The following SH3RF3 variants were observed in gnomAD, a reference collection of about 807,000 sequenced individuals.
SH3RF3 encodes the protein SH3 domain containing ring finger 3.
In SH3RF3, 29 loss-of-function variants were observed where a neutral mutation model predicts 66.3. The observed-to-expected ratio is 0.44, with a 90% CI of 0.33 to 0.60. The LOEUF (loss-of-function observed/expected upper bound fraction) is 0.60, where lower values mean the gene tolerates loss of function less well. SH3RF3 is among the 20% of genes least tolerant of loss of function. The pLI is 0.04. For synonymous variants in SH3RF3, 583 were observed against 532.0 expected, an observed-to-expected ratio of 1.10 and a Z score of -1.32; for missense variants, 1,194 against 1,190.9, an observed-to-expected ratio of 1.00 and a Z score of -0.04.
intron 8 of SH3RF3, among the ~76,000 whole-genome samples, chr2:109,479,531 C>G (rs547596493): frequency 6.6e-6 from 1 of 151,936 alleles, no homozygotes. Flanking sequence ...CCTGGGGTGT[C>G]GGGATGTCCA....
At chr2:109,268,607 A>G (rs915939978) in intron 1 of SH3RF3, among the ~76,000 whole-genome samples, 8 of 152,172 alleles carry the variant, frequency 5.3e-5, no homozygotes, top group African/African-American at 1.7e-4. Flanking sequence ...CCACTGAACA[A>G]TTTTTAACTT....
intron 3 of SH3RF3, among the ~76,000 whole-genome samples, chr2:109,397,549 A>G (rs1046494395): frequency 2.0e-5 from 3 of 152,196 alleles, no homozygotes; most frequent in African/African-American, 7.2e-5. Context: ...AAGGGGCTCC[A>G]TTGGGCACCC....
intron 3 of SH3RF3, among the ~76,000 whole-genome samples, chr2:109,376,540 C>A (rs1243021355): frequency 6.6e-6 from 1 of 152,214 alleles, no homozygotes; most frequent in South Asian, 2.1e-4. Context: ...AAAAATAGTT[C>A]AAAAAAATGA....
intron 3 of SH3RF3, among the ~76,000 whole-genome samples, chr2:109,389,931 G>A (rs576743059): frequency 6.1e-4 from 93 of 152,138 alleles, no homozygotes; most frequent in Non-Finnish European, 1.2e-3. Flanking sequence ...TCCTGAATCT[G>A]TGCCAGCCAC....
At chr2:109,209,175 A>G (rs771131565) in intron 1 of SH3RF3, among the ~76,000 whole-genome samples, 1 of 152,194 alleles carries the variant, frequency 6.6e-6, no homozygotes, top group South Asian at 2.1e-4. Context: ...CCTGGGCATC[A>G]TAGTTGTGTA....
intron 7 of SH3RF3, among the ~76,000 whole-genome samples, chr2:109,446,570 GGTGGTATCTGA>G (rs1249653471): frequency 2.4e-4 from 37 of 152,166 alleles, no homozygotes; most frequent in African/African-American, 8.4e-4. Flanking sequence ...GTCTCTAGAA[GGTGGTATCTGA>G]GCCTTCCAGG....
chr2:109,287,454 T>C (rs1405049885), intron 1 of SH3RF3, among the ~76,000 whole-genome samples: 1 of 152,198 alleles, frequency 6.6e-6, no homozygotes, highest in Admixed American at 6.5e-5. Context: ...ATCTCTAGGC[T>C]ACCTGAGATA....
chr2:109,305,718 A>G (rs1016303983), intron 1 of SH3RF3, among the ~76,000 whole-genome samples: 2 of 152,220 alleles, frequency 1.3e-5, no homozygotes, highest in African/African-American at 2.4e-5. Flanking sequence ...GTGTGTGGCT[A>G]CAATGCGGGA....
Position 109,501,834 on chromosome 2 carries a change from C to A in SH3RF3, c.*163C>A, listed in dbSNP as rs753381517. The A allele has an allele frequency of 5.1e-6, 3 of 588,620 alleles. No homozygotes were observed. The African/African-American group carries it at 5.6e-5, about 11-fold the overall frequency. 36.5% of individuals were successfully genotyped at this position (588,620 alleles called of 1,614,324 possible). A position where few individuals can be genotyped will look rare whatever the true frequency, so the allele number is the denominator to read the frequency against. On this transcript the variant is annotated 3_prime_UTR_variant, in exon 10 of 10. Transcript: ENST00000309415. The stretch of plus-strand genomic sequence containing the variant: ...GGTGGGGGCCAGGGACTGTGGAGGT[C>A]GTGCCTTCTCCCAAAACCCCCAAAC...
chr2:109,371,453 G>A, intron 2 of SH3RF3, 133 bp from the exon 3 acceptor site: 1 of 641,840 alleles, frequency 1.6e-6, no homozygotes, highest in South Asian at 2.1e-5. Context: ...ATACCTGAAT[G>A]GATAATGCAC....
chr2:109,317,988 G>T (rs1035604587), intron 1 of SH3RF3, among the ~76,000 whole-genome samples: 6 of 151,896 alleles, frequency 4.0e-5, no homozygotes, highest in Non-Finnish European at 7.4e-5. Flanking sequence ...GCCAAGGATG[G>T]CCTGCATCTG....
At chr2:109,343,723 C>T (rs947230575) in intron 1 of SH3RF3, among the ~76,000 whole-genome samples, 7 of 151,232 alleles carry the variant, frequency 4.6e-5, no homozygotes, top group African/African-American at 1.7e-4. Context: ...CCTGCTTCTG[C>T]CCTGCTCCTG....
chr2:109,160,109 C>T (rs1429959848), intron 1 of SH3RF3, among the ~76,000 whole-genome samples: 4 of 152,110 alleles, frequency 2.6e-5, no homozygotes, highest in South Asian at 2.1e-4. Context: ...CATTATCAGT[C>T]AATTTATGGG....
At chr2:109,300,648 A>G (rs1681444938) in intron 1 of SH3RF3, among the ~76,000 whole-genome samples, 1 of 152,174 alleles carries the variant, frequency 6.6e-6, no homozygotes, top group Admixed American at 6.5e-5. Context: ...CTCGTCCTCC[A>G]TCCATCTTCC....
intron 1 of SH3RF3, among the ~76,000 whole-genome samples, chr2:109,319,951 G>C (rs555438033): frequency 6.6e-6 from 1 of 152,350 alleles, no homozygotes; most frequent in South Asian, 2.1e-4. Context: ...ACGAGCTGCT[G>C]TGAGAAGTAA....
intron 2 of SH3RF3, among the ~76,000 whole-genome samples, chr2:109,368,292 G>C (rs111294622): frequency 0.018 from 2,770 of 151,962 alleles, 81 homozygotes; most frequent in African/African-American, 0.058. Flanking sequence ...ATTTAGTTTT[G>C]CTGTAGCCAA....
rs368496305 is a variant in SH3RF3, at chr2:109,431,404, C to T, written c.1404-1097C>T. Among the ~76,000 whole-genome samples the T allele has an allele frequency of 1.5e-3, 235 of 152,314 alleles. 1 individual carries two copies. The highest frequency in any genetic ancestry group is 5.5e-3 in the African/African-American group (230 of 41,562). On this transcript the variant is annotated intron_variant, in intron 5 of 9. Transcript: ENST00000309415. The stretch of plus-strand genomic sequence containing the variant: ...GTTCTCTCCCTCCGTTCAAAACCAA[C>T]CTTCCCCAAATCCCAAAAGTAGCAG...
At chr2:109,347,116 C>T (rs1332876163) in intron 1 of SH3RF3, among the ~76,000 whole-genome samples, 1 of 152,110 alleles carries the variant, frequency 6.6e-6, no homozygotes, top group Non-Finnish European at 1.5e-5. Context: ...GGAGCATGCT[C>T]GAGTTGCTGT....
intron 1 of SH3RF3, among the ~76,000 whole-genome samples, chr2:109,280,744 A>C (rs761014278): frequency 6.6e-6 from 1 of 152,218 alleles, no homozygotes; most frequent in Non-Finnish European, 1.5e-5. Flanking sequence ...TCACCCGATG[A>C]GGGCTGTGAG....
Sources: allele counts gnomAD v4.1 joint callset (sites outside exome capture counted in the v4.1 genomes callset), GRCh38; gene constraint gnomAD v4.1.1; transcripts MANE v1.5; gene names NCBI Gene and HGNC (gene_info 2026-07-23, HGNC 2026-07-21).